The following IVD variants were observed in gnomAD, a reference collection of about 807,000 sequenced individuals.
The protein encoded by IVD is isovaleryl-CoA dehydrogenase, mitochondrial.
A neutral mutation model predicts 51.3 loss-of-function variants in IVD; 31 were observed. That is an observed-to-expected ratio of 0.60 (90% CI 0.45 to 0.81). The LOEUF is 0.81. Among genes scored for constraint, IVD ranks in the 40% least tolerant of loss-of-function variants. The pLI is 0.00. For missense variants in IVD, 475 were observed against 552.0 expected (o/e 0.86, Z 1.40); for synonymous variants, 205 against 219.4 (o/e 0.93, Z 0.58).
In IVD at chr15:40,416,351, T is replaced by G; in HGVS notation, c.1127T>G (p.Ile376Ser). ...GCCACACAGGTAGCCCTGGACGGCATTCAGTGTTTTGGTGAGTGATCCCCA... is the reference window on the plus strand; with the variant it reads ...GCCACACAGGTAGCCCTGGACGGCAGTCAGTGTTTTGGTGAGTGATCCCCA... ...ECATQVALDG[I>S]QCFGGNGYIN... The change falls in exon 11 of 12, where the codon ATT becomes AGT. Residue 376 changes from isoleucine to serine, a missense_variant. Ile to Ser is a moderately radical substitution (Grantham distance 142). Transcript: ENST00000487418. 6.2e-7 allele frequency: 1 copy of G among 1,613,984 alleles called. No homozygotes were observed. The highest frequency in any genetic ancestry group is 1.1e-5 in the South Asian group (1 of 91,082).
Position 40,420,551 on chromosome 15 carries a change from G to A in IVD, c.*2288G>A, listed in dbSNP as rs965667442. 9 of 987,440 alleles carry A rather than the reference G, an allele frequency of 9.1e-6. No individual in the cohort carries two copies. Among genetic ancestry groups the A allele is most frequent in the African/African-American group, 1.7e-5 (1 of 57,286 alleles). The allele number at this position is 987,440 out of a possible 1,614,324, so 61.2% of individuals were successfully genotyped here. A position where few individuals can be genotyped will look rare whatever the true frequency, so the allele number is the denominator to read the frequency against. ...AGGTCCTATTCCTGTCCTCCAGCCC[G>A]TTCTTTCATGAGGGACAGGAAGGTA... On this transcript the variant is annotated 3_prime_UTR_variant, in exon 12 of 12. Transcript: ENST00000487418.
At chr15:40,417,436 A>G (rs962424920) in intron 11 of IVD, among the ~76,000 whole-genome samples, 4 of 148,918 alleles carry the variant, frequency 2.7e-5, no homozygotes, top group African/African-American at 9.8e-5. Flanking sequence ...TGAACCTTGG[A>G]TGCGGAGGTT....
chr15:40,410,871 G>GGGAGA, intron 4 of IVD, 74 bp downstream of exon 4: 2 of 1,551,622 alleles, frequency 1.3e-6, no homozygotes, highest in Non-Finnish European at 1.8e-6. Context: ...TCTCCCCTTG[G>GGGAGA]GGGCCAGTCA....
intron 3 of IVD, among the ~76,000 whole-genome samples, chr15:40,408,385 C>T (rs1181533507): frequency 2.0e-5 from 3 of 152,212 alleles, no homozygotes; most frequent in East Asian, 1.9e-4. Context: ...AGTGGCCTCT[C>T]GGCAGGAACA....
chr15:40,407,622 C>T lies in IVD; in HGVS notation c.145-14C>T. On this transcript the variant is annotated splice_polypyrimidine_tract_variant and intron_variant, in intron 1 of 11. Coordinates refer to ENST00000487418, the MANE Select transcript of IVD (RefSeq NM_002225.5). ...GCTGTCTGCAGTGGCATCTGTTTAC[C>T]TCTCTCCTATTAGCTTCGTCAGACC... 6.2e-7 allele frequency: 1 copy of T among 1,606,668 alleles called. No homozygotes were observed. The highest frequency in any genetic ancestry group is 1.1e-5 in the South Asian group (1 of 90,880).
At position 40,419,290 on chromosome 15, in the gene IVD, C is replaced by A; in HGVS notation, c.*1027C>A. 8.3e-7 allele frequency: 1 copy of A among 1,199,764 alleles called. No individual in the cohort carries two copies. Among genetic ancestry groups the A allele is most frequent in the Non-Finnish European group, 1.1e-6 (1 of 908,506 alleles). The allele number at this position is 1,199,764 out of a possible 1,614,324, so 74.3% of individuals were successfully genotyped here. A position where few individuals can be genotyped will look rare whatever the true frequency, so the allele number is the denominator to read the frequency against. The stretch of plus-strand genomic sequence containing the variant: ...CTTTGGGAGGCCAAGGCAGGTGGAT[C>A]ACTTGCAGTCAGGAGTTCAAGACCA... On this transcript the variant is annotated 3_prime_UTR_variant, in exon 12 of 12. Coordinates refer to ENST00000487418, the MANE Select transcript of IVD (RefSeq NM_002225.5).
intron 3 of IVD, among the ~76,000 whole-genome samples, chr15:40,410,005 T>G (rs1198076805): frequency 2.6e-5 from 4 of 151,848 alleles, no homozygotes; most frequent in African/African-American, 9.7e-5. Context: ...CCCGGCTAAT[T>G]TTTTGTATTT....
chr15:40,420,006 A>G lies in IVD; in HGVS notation c.*1743A>G, dbSNP rs1892141409. 1.1e-5 allele frequency: 4 copies of G among 377,840 alleles called. No individual in the cohort carries two copies. In the South Asian group the frequency reaches 4.4e-4, roughly 41 times the overall value. The allele number at this position is 377,840 out of a possible 1,614,324, so 23.4% of individuals were successfully genotyped here. A position where few individuals can be genotyped will look rare whatever the true frequency, so the allele number is the denominator to read the frequency against. On this transcript the variant is annotated 3_prime_UTR_variant, in exon 12 of 12. Coordinates refer to ENST00000487418, the MANE Select transcript of IVD (RefSeq NM_002225.5). ...GTAATCCCAGTTACACAGAAGACTG[A>G]GGCAGGAGAATCGCTTGAACGCAGG... is the stretch of plus-strand genomic sequence containing the variant.
chr15:40,426,266 G>A (rs889416896), downstream of IVD, among the ~76,000 whole-genome samples: 6 of 152,018 alleles, frequency 3.9e-5, no homozygotes, highest in African/African-American at 9.7e-5. Flanking sequence ...GGCCAGACGC[G>A]GTGGCTTATA....
downstream of IVD, among the ~76,000 whole-genome samples, chr15:40,422,594 T>TTTTTTTTTTTTTC (rs1566947901): frequency 1.2e-4 from 5 of 41,490 alleles, no homozygotes; most frequent in East Asian, 0.016. Flanking sequence ...ACTTTTTTTT[T>TTTTTTTTTTTTTC]TTTTTTTTTT....
chr15:40,425,192 G>T (rs151327866), downstream of IVD, among the ~76,000 whole-genome samples: 230 of 152,294 alleles, frequency 1.5e-3, no homozygotes, highest in Middle Eastern at 3.4e-3. Flanking sequence ...ATATATGGGA[G>T]AGTATATACA....
downstream of IVD, among the ~76,000 whole-genome samples, chr15:40,425,656 G>T (rs1892629745): frequency 1.3e-5 from 2 of 151,958 alleles, no homozygotes; most frequent in Admixed American, 6.6e-5. Flanking sequence ...AGGTAACTGG[G>T]ATTACAGGGA....
chr15:40,431,128 CTT>C (rs35473765), intron 7 of IVD, among the ~76,000 whole-genome samples: 2 of 140,116 alleles, frequency 1.4e-5, no homozygotes. Context: ...TATTATTACG[CTT>C]TTTTTTTTTT....
At chr15:40,407,518 G>A (rs1890570815) in intron 1 of IVD, 118 bp from the exon 2 acceptor site, 2 of 789,788 alleles carry the variant, frequency 2.5e-6, no homozygotes, top group Admixed American at 1.8e-5. Context: ...AACTACTGAG[G>A]CCTCTCAGTT....
intron 7 of IVD, among the ~76,000 whole-genome samples, chr15:40,433,307 C>T (rs1196809357): frequency 6.6e-6 from 1 of 152,074 alleles, no homozygotes; most frequent in East Asian, 1.9e-4. Flanking sequence ...GTACATTTAC[C>T]TACCAGAGTT....
chr15:40,423,003 C>A (rs1252644367), downstream of IVD, among the ~76,000 whole-genome samples: 1 of 152,062 alleles, frequency 6.6e-6, no homozygotes, highest in African/African-American at 2.4e-5. Flanking sequence ...CAGCCTCGAC[C>A]TCCCTGGCTC....
intron 7 of IVD, among the ~76,000 whole-genome samples, chr15:40,429,952 C>T (rs934506272): frequency 6.6e-6 from 1 of 152,212 alleles, no homozygotes; most frequent in Non-Finnish European, 1.5e-5. Flanking sequence ...CAGGTCAGGA[C>T]ATTTTATAGT....
intron 11 of IVD, among the ~76,000 whole-genome samples, chr15:40,417,444 G>A (rs1891827238): frequency 6.7e-6 from 1 of 149,688 alleles, no homozygotes; most frequent in Admixed American, 6.8e-5. Context: ...GGATGCGGAG[G>A]TTGCAGAGAG....
At position 40,431,941 on chromosome 15, in the gene IVD, TTGTC is replaced by T. The variant is rs900889016; in HGVS notation, c.720-1912_720-1909del. On this transcript the variant is annotated intron_variant, in intron 7 of 8. Transcript: ENST00000473112. ...AATATTCACAAATCAAGGGGAAAAA[TTGTC>T]AGGCCTCTCATATCTAAGTCTTTTT... Among the ~76,000 whole-genome samples the T allele has an allele frequency of 3.3e-5, 5 of 151,524 alleles. 1 individual carries two copies. The highest frequency in any genetic ancestry group is 1.2e-4 in the African/African-American group (5 of 41,326).
Sources: allele counts gnomAD v4.1 joint callset (sites outside exome capture counted in the v4.1 genomes callset), GRCh38; gene constraint gnomAD v4.1.1; transcripts MANE v1.5; gene names NCBI Gene and HGNC (gene_info 2026-07-23, HGNC 2026-07-21).